The following SHISA9 variants were observed in gnomAD, a reference collection of about 807,000 sequenced individuals.
SHISA9 encodes protein shisa-9.
A neutral mutation model predicts 38.0 loss-of-function variants in SHISA9; 13 were observed. The ratio of observed to expected loss-of-function variants is 0.34; its 90% CI spans 0.22 to 0.54. The LOEUF (loss-of-function observed/expected upper bound fraction) is 0.54. SHISA9 is among the 20% of genes least tolerant of loss of function. The probability of loss-of-function intolerance (pLI) is 0.91; values close to 1 mark genes in which losing one functional copy is unlikely to be tolerated. For missense variants in SHISA9, 538 were observed against 575.8 expected (o/e 0.93, Z 0.67); for synonymous variants, 275 against 242.0 (o/e 1.14, Z -1.27).
chr16:13,406,792 G>T, the SHISA9 span, among the ~76,000 whole-genome samples: 3 of 152,178 alleles, frequency 2.0e-5, no homozygotes, highest in African/African-American at 7.2e-5. Context: ...CCACAGGTCG[G>T]GTGCGGTGGC....
the SHISA9 span, among the ~76,000 whole-genome samples, chr16:13,301,186 T>C: frequency 2.6e-5 from 4 of 152,098 alleles, no homozygotes; most frequent in Admixed American, 6.6e-5. Flanking sequence ...GACTTTGAGG[T>C]TGGGTCTGCT....
chr16:13,115,836 T>G (rs2074026452), intron 2 of SHISA9, among the ~76,000 whole-genome samples: 1 of 152,220 alleles, frequency 6.6e-6, no homozygotes, highest in Admixed American at 6.5e-5. Context: ...GCACTAACAA[T>G]TCCTTCCAAC....
intron 2 of SHISA9, among the ~76,000 whole-genome samples, chr16:13,008,581 A>G (rs941938228): frequency 2.0e-5 from 3 of 150,632 alleles, no homozygotes; most frequent in Admixed American, 6.6e-5. Flanking sequence ...TTGTTTGATA[A>G]GGGTCCGGTG....
At chr16:13,330,741 A>T in the SHISA9 span, among the ~76,000 whole-genome samples, 2 of 152,212 alleles carry the variant, frequency 1.3e-5, no homozygotes, top group African/African-American at 4.8e-5. Flanking sequence ...TGTCAAAGTT[A>T]ATTTCAGTCT....
chr16:13,153,866 A>G (rs2050520380), intron 2 of SHISA9, among the ~76,000 whole-genome samples: 1 of 151,228 alleles, frequency 6.6e-6, no homozygotes, highest in African/African-American at 2.4e-5. Context: ...GTGTTGTGAT[A>G]TAATTACATT....
At chr16:13,408,048 G>T in the SHISA9 span, among the ~76,000 whole-genome samples, 1 of 152,104 alleles carries the variant, frequency 6.6e-6, no homozygotes, top group East Asian at 1.9e-4. Flanking sequence ...CATTCTGTAG[G>T]TTGTCTCTTT....
chr16:12,988,443 G>T (rs757573642), intron 2 of SHISA9, among the ~76,000 whole-genome samples: 13 of 152,144 alleles, frequency 8.5e-5, no homozygotes, highest in Non-Finnish European at 7.4e-5. Flanking sequence ...CTCAGACAGG[G>T]TCTCTCCCCA....
intron 4 of SHISA9, among the ~76,000 whole-genome samples, chr16:13,227,358 T>G (rs1340305152): frequency 6.6e-6 from 1 of 152,154 alleles, no homozygotes. Context: ...TAAGGAAATA[T>G]TTGTTAGATA....
intron 2 of SHISA9, among the ~76,000 whole-genome samples, chr16:12,996,411 C>T (rs2072457978): frequency 6.6e-6 from 1 of 152,190 alleles, no homozygotes. Flanking sequence ...CAGTTTGGCA[C>T]AGGCCCCCAG....
At chr16:13,335,585 T>C in the SHISA9 span, among the ~76,000 whole-genome samples, 1 of 152,178 alleles carries the variant, frequency 6.6e-6, no homozygotes. Context: ...GTCATGCAAC[T>C]GTCATTCAGC....
chr16:13,167,437 C>T (rs532154065), intron 2 of SHISA9, among the ~76,000 whole-genome samples: 1 of 152,172 alleles, frequency 6.6e-6, no homozygotes, highest in Non-Finnish European at 1.5e-5. Context: ...TTAGAACACT[C>T]GCCTCCCTTG....
At chr16:13,319,258 C>G in the SHISA9 span, among the ~76,000 whole-genome samples, 1 of 152,192 alleles carries the variant, frequency 6.6e-6, no homozygotes, top group Non-Finnish European at 1.5e-5. Flanking sequence ...ATCCACCTGC[C>G]TCAGGCGACC....
intron 2 of SHISA9, among the ~76,000 whole-genome samples, chr16:13,101,558 T>C (rs537568285): frequency 1.9e-4 from 29 of 152,250 alleles, no homozygotes; most frequent in Non-Finnish European, 3.5e-4. Flanking sequence ...TTTGGGTTGA[T>C]GGTCTTATTT....
the SHISA9 span, among the ~76,000 whole-genome samples, chr16:13,412,387 A>G: frequency 1.3e-5 from 2 of 152,096 alleles, no homozygotes; most frequent in South Asian, 4.1e-4. Flanking sequence ...TGAACAAACA[A>G]CAGATGTTCA....
chr16:13,384,891 C>G, the SHISA9 span, among the ~76,000 whole-genome samples: 1 of 152,082 alleles, frequency 6.6e-6, no homozygotes, highest in African/African-American at 2.4e-5. Context: ...AAGACCAGCT[C>G]CAAACTGGGA....
intron 2 of SHISA9, among the ~76,000 whole-genome samples, chr16:13,188,581 C>T (rs116653283): frequency 0.015 from 2,300 of 151,996 alleles, 55 homozygotes; most frequent in African/African-American, 0.051. Context: ...GCCAGGCATG[C>T]TGGTGCATGT....
chr16:13,241,860 G>A (rs532209309), downstream of SHISA9, among the ~76,000 whole-genome samples: 1 of 152,124 alleles, frequency 6.6e-6, no homozygotes, highest in Non-Finnish European at 1.5e-5. Flanking sequence ...GAACACACAG[G>A]ATGCTCTTTC....
the SHISA9 span, among the ~76,000 whole-genome samples, chr16:13,316,356 C>T: frequency 6.6e-6 from 1 of 152,130 alleles, no homozygotes; most frequent in Non-Finnish European, 1.5e-5. Flanking sequence ...GTGTAGGTTT[C>T]TGCTGACCTC....
chr16:13,439,779 C>T, the SHISA9 span, among the ~76,000 whole-genome samples: 1 of 152,170 alleles, frequency 6.6e-6, no homozygotes, highest in Admixed American at 6.5e-5. Context: ...CGTGTGAAAA[C>T]CAATTACAAG....
Sources: gnomAD v4.1 joint callset for allele counts (sites outside exome capture counted in the v4.1 genomes callset) on GRCh38, gnomAD v4.1.1 for gene constraint, MANE v1.5 for transcripts, NCBI Gene and HGNC (gene_info 2026-07-23, HGNC 2026-07-21) for gene names.